Variants in ZIM2 observed in about 807,000 individuals in gnomAD.
The protein encoded by ZIM2 is zinc finger protein 656.
A neutral mutation model predicts 38.6 loss-of-function variants in ZIM2; 14 were observed. That is an observed-to-expected ratio of 0.36 (90% CI 0.24 to 0.57). The LOEUF (loss-of-function observed/expected upper bound fraction) is 0.57. Among genes scored for constraint, ZIM2 ranks in the 20% least tolerant of loss-of-function variants. The pLI is 0.81. For synonymous variants in ZIM2, 247 were observed against 245.8 expected (o/e 1.00, Z -0.04); for missense variants, 680 against 695.1 (o/e 0.98, Z 0.24).
At chr19:56,839,123 C>T (rs1444557174) in intron 1 of ZIM2, among the ~76,000 whole-genome samples, 2 of 151,746 alleles carry the variant, frequency 1.3e-5, no homozygotes, top group East Asian at 1.9e-4. Flanking sequence ...CAAGCACTTT[C>T]ATTAAAGATG....
At position 56,795,615 on chromosome 19, in the gene ZIM2, C is replaced by G. The variant is rs113935621; in HGVS notation, c.491-5664G>C. Among the ~76,000 whole-genome samples, 777 of 152,252 alleles carry G rather than the reference C, an allele frequency of 5.1e-3. 4 individuals are homozygous for G. Among genetic ancestry groups the G allele is most frequent in the Admixed American group, 9.0e-3 (137 of 15,296 alleles). On this transcript the variant is annotated intron_variant, in intron 9 of 12. Coordinates refer to ENST00000629319, the MANE Select transcript of ZIM2 (RefSeq NM_001387356.1). ...TCCTGGCCAAGTGCCCTGTGAGACA[C>G]GAGGATAGGGTTGGTACGGCGAGGA...
intron 10 of ZIM2, among the ~76,000 whole-genome samples, chr19:56,788,844 T>C (rs1235287163): frequency 2.0e-5 from 3 of 151,950 alleles, no homozygotes; most frequent in African/African-American, 4.8e-5. Context: ...GCTTTGTTCA[T>C]TTCTTTTCAT....
In ZIM2 at chr19:56,814,893, T is replaced by A; in HGVS notation, c.490+2853A>T. 6.2e-7 allele frequency: 1 copy of A among 1,614,182 alleles called. No individual in the cohort carries two copies. Among genetic ancestry groups the A allele is most frequent in the Non-Finnish European group, 8.5e-7 (1 of 1,180,024 alleles). On this transcript the variant is annotated intron_variant, in intron 9 of 12. Transcript: ENST00000629319. This position sits in a 1 kb window ranked among gnomAD's most constrained non-coding sequence, Gnocchi z 5.8. ...AATACAACTGGTCTTGTTCATGGAT[T>A]CTCTGATGCTCGAAAAGGAATGAGC...
chr19:56,817,133 G>A (rs1277651732), intron 9 of ZIM2: 1 of 1,613,994 alleles, frequency 6.2e-7, no homozygotes, highest in Admixed American at 1.7e-5. Context: ...GTAAAGGAGG[G>A]GGAGCTGAGG....
chr19:56,837,383 G>A (rs1014281689), intron 1 of ZIM2, among the ~76,000 whole-genome samples: 53 of 152,184 alleles, frequency 3.5e-4, no homozygotes, highest in African/African-American at 1.3e-3. Flanking sequence ...CACCAACAGA[G>A]TCTCCAAATC....
intron 9 of ZIM2, chr19:56,813,780 A>C (rs372129615): frequency 1.0e-4 from 161 of 1,613,830 alleles, no homozygotes; most frequent in Non-Finnish European, 1.3e-4. Flanking sequence ...GATTGGCACC[A>C]CCTGTGCTGG....
At chr19:56,795,038 G>GTTTCTTTTTTTTCT (rs202146195) in intron 9 of ZIM2, among the ~76,000 whole-genome samples, 1 of 152,064 alleles carries the variant, frequency 6.6e-6, no homozygotes, top group Non-Finnish European at 1.5e-5. Context: ...ACATTGGGGT[G>GTTTCTTTTTTTTCT]TTTCTTTTTT....
Position 56,775,646 on chromosome 19 carries a change from T to TTTCCTAATCTGAAAA in ZIM2, c.836-132_836-118dup. On this transcript the variant is annotated intron_variant, in intron 12 of 12. Coordinates refer to ENST00000629319, the MANE Select transcript of ZIM2 (RefSeq NM_001387356.1). ...GTTAGTGCTTTGGTTTCAGGTCTCT[T>TTTCCTAATCTGAAAA]TTCCTAATCTGAAAAAAAAAAAGTA... 7.5e-6 allele frequency: 11 copies of TTTCCTAATCTGAAAA among 1,468,890 alleles called. No homozygotes were observed. In the South Asian group the frequency reaches 1.7e-4, roughly 23 times the overall value. The allele number at this position is 1,468,890 out of a possible 1,614,324, so 91.0% of individuals were successfully genotyped here. A position where few individuals can be genotyped will look rare whatever the true frequency, so the allele number is the denominator to read the frequency against.
chr19:56,810,055 A>G (rs1277107716), intron 9 of ZIM2: 1 of 659,482 alleles, frequency 1.5e-6, no homozygotes, highest in African/African-American at 2.0e-5. Flanking sequence ...CCCCAAAAAC[A>G]AAACAGACAA....
intron 3 of ZIM2, chr19:56,824,831 T>C: frequency 3.3e-6 from 2 of 615,088 alleles, no homozygotes; most frequent in Non-Finnish European, 2.8e-6. Flanking sequence ...CGACAATGCT[T>C]TTGGGATATG....
chr19:56,801,327 T>G (rs1226643533), intron 9 of ZIM2, among the ~76,000 whole-genome samples: 1 of 152,136 alleles, frequency 6.6e-6, no homozygotes. Context: ...TTATCCTCAG[T>G]GGCCTCTGCA....
intron 9 of ZIM2, chr19:56,790,929 C>T (rs1046779950): frequency 6.6e-6 from 1 of 152,016 alleles, no homozygotes; most frequent in Non-Finnish European, 1.5e-5. Context: ...ATTTTTCACT[C>T]GTTGATCTAA....
chr19:56,809,361 T>G (rs1426524013), intron 9 of ZIM2, among the ~76,000 whole-genome samples: 1 of 152,174 alleles, frequency 6.6e-6, no homozygotes, highest in African/African-American at 2.4e-5. Flanking sequence ...TCATGTGACA[T>G]GAAGGATATT....
Position 56,792,530 on chromosome 19 carries a change from C to CAA in ZIM2, c.491-2581_491-2580dup, listed in dbSNP as rs1215431208. Among the ~76,000 whole-genome samples the CAA allele has an allele frequency of 4.8e-3, 100 of 20,854 alleles. 1 individual carries two copies. The highest frequency in any genetic ancestry group is 7.2e-3 in the Non-Finnish European group (59 of 8,142). 13.7% of individuals were successfully genotyped at this position (20,854 alleles called of 152,430 possible). On this transcript the variant is annotated intron_variant, in intron 9 of 12. Transcript: ENST00000629319. The stretch of plus-strand genomic sequence containing the variant: ...TGGGCGACAGAGCAAGACTCTGTCT[C>CAA]AAAAAAAAAAAAAAAAAAAAAAAAA...
chr19:56,800,719 T>C (rs760117267), intron 9 of ZIM2, among the ~76,000 whole-genome samples: 1 of 152,104 alleles, frequency 6.6e-6, no homozygotes, highest in Non-Finnish European at 1.5e-5. Context: ...TAAAATAAAA[T>C]GACCGATTAT....
At chr19:56,800,777 A>G (rs2047482233) in intron 9 of ZIM2, among the ~76,000 whole-genome samples, 1 of 152,110 alleles carries the variant, frequency 6.6e-6, no homozygotes, top group East Asian at 1.9e-4. Flanking sequence ...AGCATGTCAT[A>G]GATGGTCTGT....
chr19:56,787,322 C>A (rs1015284144), intron 10 of ZIM2, among the ~76,000 whole-genome samples: 2 of 152,172 alleles, frequency 1.3e-5, no homozygotes, highest in Non-Finnish European at 2.9e-5. Flanking sequence ...CTCACTCAGG[C>A]TGGAGTGCAG....
rs569895240 is a variant in ZIM2 at position 56,812,727 on chromosome 19, A to G, written c.490+5019T>C. 4.2e-5 allele frequency: 41 copies of G among 985,058 alleles called. No homozygotes were observed. In the African/African-American group the frequency reaches 6.3e-4, roughly 15 times the overall value. The allele number at this position is 985,058 out of a possible 1,614,324, so 61.0% of individuals were successfully genotyped here. A position where few individuals can be genotyped will look rare whatever the true frequency, so the allele number is the denominator to read the frequency against. The stretch of plus-strand genomic sequence containing the variant: ...ACTACTGTGATCTAGTGATGGTTGT[A>G]ACCCATTCTTTAAAGGCAAAGATGT... On this transcript the variant is annotated intron_variant, in intron 9 of 12. Coordinates refer to ENST00000629319, the MANE Select transcript of ZIM2 (RefSeq NM_001387356.1).
intron 2 of ZIM2, among the ~76,000 whole-genome samples, chr19:56,828,810 A>G (rs1175472390): frequency 6.6e-6 from 1 of 152,226 alleles, no homozygotes; most frequent in Non-Finnish European, 1.5e-5. Context: ...AAAATCAAAG[A>G]AATGTAAAAT....
Sources: gnomAD v4.1 joint callset for allele counts (sites outside exome capture counted in the v4.1 genomes callset) on GRCh38, gnomAD v4.1.1 for gene constraint, Gnocchi (gnomAD v3.1) non-coding constraint, MANE v1.5 for transcripts, NCBI Gene and HGNC (gene_info 2026-07-23, HGNC 2026-07-21) for gene names.